KIAA1958: variants seen among roughly 807,000 people sequenced by gnomAD.
KIAA1958 encodes KIAA1958.
A neutral mutation model predicts 47.2 loss-of-function variants in KIAA1958; 14 were observed. The ratio of observed to expected loss-of-function variants is 0.30; its 90% CI spans 0.20 to 0.46. The LOEUF (loss-of-function observed/expected upper bound fraction) is 0.46. Among genes scored for constraint, KIAA1958 ranks in the 20% least tolerant of loss-of-function variants. The pLI is 1.00. For missense variants in KIAA1958, 803 were observed against 909.2 expected (o/e 0.88, Z 1.50); for synonymous variants, 354 against 353.3 (o/e 1.00, Z -0.02).
chr9:112,547,714 C>T (rs1835064291), intron 1 of KIAA1958, among the ~76,000 whole-genome samples: 1 of 152,194 alleles, frequency 6.6e-6, no homozygotes, highest in African/African-American at 2.4e-5. Context: ...GAAGCTGTCT[C>T]TTGTGGGGAA....
At chr9:112,505,092 C>T (rs1462762306) in intron 1 of KIAA1958, among the ~76,000 whole-genome samples, 1 of 152,264 alleles carries the variant, frequency 6.6e-6, no homozygotes, top group South Asian at 2.1e-4. Flanking sequence ...CATTCTCTAC[C>T]TCCATGTGGT....
intron 2 of KIAA1958, among the ~76,000 whole-genome samples, chr9:112,636,987 T>C (rs1836815031): frequency 6.6e-6 from 1 of 152,238 alleles, no homozygotes; most frequent in African/African-American, 2.4e-5. Flanking sequence ...TTATAAGTTA[T>C]ACATTATTTT....
intron 2 of KIAA1958, among the ~76,000 whole-genome samples, chr9:112,616,398 A>G (rs779353285): frequency 6.6e-5 from 10 of 152,250 alleles, no homozygotes; most frequent in Non-Finnish European, 1.3e-4. Flanking sequence ...ATTCATATAT[A>G]TGTATAGTAA....
chr9:112,487,198 G>T (rs1833872013), intron 1 of KIAA1958, 80 bp downstream of exon 1: 1 of 181,492 alleles, frequency 5.5e-6, no homozygotes, highest in Admixed American at 6.5e-5. Context: ...TGTGTGGGGG[G>T]CGGCCGCGCC....
intron 1 of KIAA1958, among the ~76,000 whole-genome samples, chr9:112,572,347 C>T (rs1450871706): frequency 2.0e-5 from 3 of 152,106 alleles, no homozygotes; most frequent in Admixed American, 6.6e-5. Flanking sequence ...TTCATTTATT[C>T]GACAACGACT....
At chr9:112,519,746 CAGTG>C (rs1240988014) in intron 1 of KIAA1958, among the ~76,000 whole-genome samples, 2 of 152,194 alleles carry the variant, frequency 1.3e-5, no homozygotes, top group Non-Finnish European at 1.5e-5. Flanking sequence ...CAAATCATAA[CAGTG>C]AGAAATGCTG....
intron 1 of KIAA1958, among the ~76,000 whole-genome samples, chr9:112,558,598 T>G (rs1046606111): frequency 6.6e-6 from 1 of 152,220 alleles, no homozygotes; most frequent in African/African-American, 2.4e-5. Flanking sequence ...TTGATGTCTG[T>G]TAAGCCTATT....
intron 2 of KIAA1958, among the ~76,000 whole-genome samples, chr9:112,609,369 C>G (rs1436184321): frequency 6.6e-6 from 1 of 152,056 alleles, no homozygotes; most frequent in East Asian, 1.9e-4. Flanking sequence ...TAATAAAATA[C>G]TAGTATAGTT....
At chr9:112,536,668 A>G (rs1396377166) in intron 1 of KIAA1958, among the ~76,000 whole-genome samples, 3 of 152,174 alleles carry the variant, frequency 2.0e-5, no homozygotes, top group African/African-American at 7.2e-5. Context: ...CTGTAGTCCC[A>G]GCTACTTGGG....
rs529243816 is a variant in KIAA1958, at chr9:112,604,131, A to G, written c.1171+28880A>G. Among the ~76,000 whole-genome samples the G allele has an allele frequency of 1.4e-3, 220 of 152,358 alleles. 1 individual carries two copies. The highest frequency in any genetic ancestry group is 4.7e-3 in the African/African-American group (197 of 41,588). On this transcript the variant is annotated intron_variant, in intron 2 of 3. Transcript: ENST00000337530. The stretch of plus-strand genomic sequence containing the variant: ...AAATGGATCTGAATTTAAATCTAAC[A>G]TAAATCTCCCCAAATTAAATGAGAA...
intron 1 of KIAA1958, among the ~76,000 whole-genome samples, chr9:112,560,174 TG>T (rs1396565391): frequency 6.6e-6 from 1 of 151,256 alleles, no homozygotes; most frequent in African/African-American, 2.4e-5. Context: ...CTGATATTTT[TG>T]AAGCTGCTTT....
At chr9:112,489,759 AAAC>A (rs1408513357) in intron 1 of KIAA1958, among the ~76,000 whole-genome samples, 2 of 152,188 alleles carry the variant, frequency 1.3e-5, no homozygotes, top group Non-Finnish European at 2.9e-5. Context: ...TCTCTTTTTA[AAAC>A]AACATTAAGC....
chr9:112,537,215 C>T (rs1834869916), intron 1 of KIAA1958, among the ~76,000 whole-genome samples: 1 of 152,114 alleles, frequency 6.6e-6, no homozygotes, highest in Non-Finnish European at 1.5e-5. Flanking sequence ...AAGTGATTCT[C>T]CCGCCTCAGC....
chr9:112,582,337 A>G (rs1016501975), intron 2 of KIAA1958: 1 of 152,240 alleles, frequency 6.6e-6, no homozygotes, highest in African/African-American at 2.4e-5. Flanking sequence ...GTATCAAAAT[A>G]TCTCATGTAA....
intron 1 of KIAA1958, among the ~76,000 whole-genome samples, chr9:112,535,525 G>A (rs1433574946): frequency 1.3e-5 from 2 of 151,874 alleles, no homozygotes; most frequent in South Asian, 2.1e-4. Context: ...TGGCTGTTGT[G>A]GATAATGCTG....
chr9:112,510,991 A>C (rs1442581017), intron 1 of KIAA1958, among the ~76,000 whole-genome samples: 2 of 152,026 alleles, frequency 1.3e-5, no homozygotes, highest in Non-Finnish European at 2.9e-5. Flanking sequence ...TACAGATAGA[A>C]CAGAGTGATC....
Position 112,639,739 on chromosome 9 carries a change from A to G in KIAA1958, c.1172-5911A>G, listed in dbSNP as rs76222820. Among the ~76,000 whole-genome samples the G allele has an allele frequency of 8.0e-3, 1,215 of 152,260 alleles. 49 individuals are homozygous for G. Among genetic ancestry groups the G allele is most frequent in the Admixed American group, 0.059 (900 of 15,290 alleles). ...AAGTTCCAACACACCTCAATGGGCAATTCTCCTATGCAGATGCCCTCCATG... is the reference window on the plus strand; with the variant it reads ...AAGTTCCAACACACCTCAATGGGCAGTTCTCCTATGCAGATGCCCTCCATG... On this transcript the variant is annotated intron_variant, in intron 2 of 3. Transcript: ENST00000337530.
chr9:112,581,290 A>G (rs1332407389), intron 2 of KIAA1958, among the ~76,000 whole-genome samples: 1 of 152,234 alleles, frequency 6.6e-6, no homozygotes, highest in African/African-American at 2.4e-5. Flanking sequence ...TATGATAAAC[A>G]TTCAATAAAT....
At chr9:112,636,286 G>A (rs756136742) in intron 2 of KIAA1958, among the ~76,000 whole-genome samples, 33 of 151,738 alleles carry the variant, frequency 2.2e-4, no homozygotes, top group Non-Finnish European at 3.8e-4. Flanking sequence ...GAAAAGTTGA[G>A]ACTTGCTTTA....
Sources: allele counts gnomAD v4.1 joint callset (sites outside exome capture counted in the v4.1 genomes callset), GRCh38; gene constraint gnomAD v4.1.1; transcripts MANE v1.5; gene names NCBI Gene and HGNC (gene_info 2026-07-23, HGNC 2026-07-21).